The following MB21D2 variants were observed in gnomAD, a reference collection of about 807,000 sequenced individuals.
MB21D2 encodes nucleotidyltransferase MB21D2.
Under a neutral mutation model 33.3 loss-of-function variants are expected in MB21D2, and 9 were observed. The observed-to-expected ratio is 0.27, with a 90% CI of 0.16 to 0.47. MB21D2 has a LOEUF of 0.47. Among genes scored for constraint, MB21D2 ranks in the 20% least tolerant of loss-of-function variants. The pLI, the probability that MB21D2 is intolerant of heterozygous loss-of-function variation, is 0.99. For missense variants in MB21D2, 540 were observed against 624.6 expected, an observed-to-expected ratio of 0.86 and a Z score of 1.44; for synonymous variants, 241 against 236.3, an observed-to-expected ratio of 1.02 and a Z score of -0.18.
chr3:192,907,021 T>A (rs6807713), intron 1 of MB21D2, among the ~76,000 whole-genome samples: 29 of 152,266 alleles, frequency 1.9e-4, no homozygotes, highest in Admixed American at 1.6e-3. Flanking sequence ...GTTCCCCATG[T>A]CAGCTTTATT....
intron 1 of MB21D2, among the ~76,000 whole-genome samples, chr3:192,832,105 G>A (rs999552935): frequency 6.6e-6 from 1 of 152,194 alleles, no homozygotes; most frequent in African/African-American, 2.4e-5. Flanking sequence ...TGGTGCCTTT[G>A]ATAAATACAC....
At position 192,798,728 on chromosome 3, in the gene MB21D2, G is replaced by A. The variant is rs748456390; in HGVS notation, c.1134C>T (p.Phe378=). The change falls in exon 2 of 2, where the codon TTC becomes TTT. Residue 378 remains phenylalanine (F), a synonymous_variant. Transcript: ENST00000392452. The surrounding 1 kb of genome is among the most constrained non-coding windows in gnomAD (Gnocchi z 4.8). ...CLVNKMCPNY[F]IPQCNMLEHL... ...GTTCCAGCATGTTGCACTGAGGGAT[G>A]AAATAATTGGGGCACATCTTGTTGA... 1.9e-6 allele frequency: 3 copies of A among 1,613,268 alleles called. No homozygotes were observed. The highest frequency in any genetic ancestry group is 3.3e-5 in the Admixed American group (2 of 60,006).
At chr3:192,890,722 A>G (rs989503511) in intron 1 of MB21D2, among the ~76,000 whole-genome samples, 8 of 152,034 alleles carry the variant, frequency 5.3e-5, no homozygotes, top group Non-Finnish European at 1.0e-4. Context: ...AACCTTTGAA[A>G]CAAACAAATT....
chr3:192,857,438 G>C (rs1367086095), intron 1 of MB21D2, among the ~76,000 whole-genome samples: 1 of 152,188 alleles, frequency 6.6e-6, no homozygotes, highest in Non-Finnish European at 1.5e-5. Context: ...AGGAGAAACA[G>C]CTACAGATTT....
At chr3:192,895,215 G>A (rs1713940109) in intron 1 of MB21D2, among the ~76,000 whole-genome samples, 1 of 152,076 alleles carries the variant, frequency 6.6e-6, no homozygotes, top group South Asian at 2.1e-4. Context: ...TTCACCAGCA[G>A]GTGCCCAACC....
chr3:192,856,958 G>C (rs748398930), intron 1 of MB21D2, among the ~76,000 whole-genome samples: 1 of 152,004 alleles, frequency 6.6e-6, no homozygotes, highest in Non-Finnish European at 1.5e-5. Flanking sequence ...ACAATGATGA[G>C]GACATTATTA....
chr3:192,871,937 G>C (rs553974222), intron 1 of MB21D2, among the ~76,000 whole-genome samples: 1 of 152,186 alleles, frequency 6.6e-6, no homozygotes, highest in African/African-American at 2.4e-5. Flanking sequence ...GAGACATCAC[G>C]TGGTGCTGAA....
At chr3:192,916,668 A>G (rs796103130) in intron 1 of MB21D2, among the ~76,000 whole-genome samples, 12 of 152,320 alleles carry the variant, frequency 7.9e-5, no homozygotes, top group African/African-American at 2.9e-4. Flanking sequence ...CTCAGTAGCA[A>G]TAATCCCAAC....
intron 1 of MB21D2, among the ~76,000 whole-genome samples, chr3:192,828,583 A>ACC (rs5855456): frequency 2.0e-4 from 7 of 35,854 alleles, no homozygotes; most frequent in East Asian, 2.0e-3. Flanking sequence ...AATAAAACTC[A>ACC]CCCCCCCCAT....
At chr3:192,913,600 G>A (rs535731360) in intron 1 of MB21D2, among the ~76,000 whole-genome samples, 1 of 152,128 alleles carries the variant, frequency 6.6e-6, no homozygotes, top group East Asian at 1.9e-4. Flanking sequence ...AAGCCAGAAG[G>A]ATCACTTGAG....
chr3:192,876,844 TA>T (rs1171071044), intron 1 of MB21D2, among the ~76,000 whole-genome samples: 2 of 152,152 alleles, frequency 1.3e-5, no homozygotes. Context: ...CAGCTTTCTC[TA>T]AAAACTCCTC....
chr3:192,835,895 G>A (rs1034512605), intron 1 of MB21D2, among the ~76,000 whole-genome samples: 4 of 151,438 alleles, frequency 2.6e-5, no homozygotes, highest in Non-Finnish European at 5.9e-5. Flanking sequence ...ATTACAGGAT[G>A]TCACTATTTT....
intron 1 of MB21D2, among the ~76,000 whole-genome samples, chr3:192,851,098 G>A (rs1242610391): frequency 6.6e-6 from 1 of 152,114 alleles, no homozygotes; most frequent in Non-Finnish European, 1.5e-5. Context: ...AAAGCTCATG[G>A]AACAATGAAC....
Position 192,799,670 on chromosome 3 carries a change from A to C in MB21D2, c.212-20T>G, listed in dbSNP as rs761802515. 1.1e-4 allele frequency: 175 copies of C among 1,602,636 alleles called. No individual in the cohort carries two copies. Among genetic ancestry groups the C allele is most frequent in the Non-Finnish European group, 1.4e-4 (165 of 1,175,506 alleles). ...CCATTCCTGGAAATAAAGAAGAAAA[A>C]AACAACACTATTACAGGAAACACAG... is the stretch of plus-strand genomic sequence containing the variant. On this transcript the variant is annotated intron_variant, in intron 1 of 1. Transcript: ENST00000392452. The surrounding 1 kb of genome is among the most constrained non-coding windows in gnomAD (Gnocchi z 4.1).
At chr3:192,818,992 GTT>G (rs11328954) in intron 1 of MB21D2, among the ~76,000 whole-genome samples, 5 of 150,434 alleles carry the variant, frequency 3.3e-5, no homozygotes, top group Admixed American at 6.6e-5. Flanking sequence ...CAGGAATTGA[GTT>G]TTTTTTTTGC....
chr3:192,841,097 G>C (rs189680177), intron 1 of MB21D2, among the ~76,000 whole-genome samples: 1 of 152,190 alleles, frequency 6.6e-6, no homozygotes, highest in Admixed American at 6.5e-5. Flanking sequence ...CTTAAAAAAG[G>C]AGGAGAGGGC....
At chr3:192,879,565 T>C (rs1479239027) in intron 1 of MB21D2, among the ~76,000 whole-genome samples, 3 of 152,200 alleles carry the variant, frequency 2.0e-5, no homozygotes, top group African/African-American at 7.2e-5. Context: ...AAAAAGTGAT[T>C]GGAGAGGCTG....
At chr3:192,819,081 T>C (rs1171065536) in intron 1 of MB21D2, among the ~76,000 whole-genome samples, 1 of 152,128 alleles carries the variant, frequency 6.6e-6, no homozygotes, top group African/African-American at 2.4e-5. Context: ...GACTCATAGT[T>C]TTCCTGGAGA....
At chr3:192,801,983 C>T (rs1417217560) in intron 1 of MB21D2, among the ~76,000 whole-genome samples, 1 of 152,164 alleles carries the variant, frequency 6.6e-6, no homozygotes, top group Non-Finnish European at 1.5e-5. Context: ...AACAATTCAT[C>T]AGAAAGAACA....
Sources: gnomAD v4.1 joint callset for allele counts (sites outside exome capture counted in the v4.1 genomes callset) on GRCh38, gnomAD v4.1.1 for gene constraint, Gnocchi (gnomAD v3.1) non-coding constraint, MANE v1.5 for transcripts, NCBI Gene and HGNC (gene_info 2026-07-23, HGNC 2026-07-21) for gene names.